Variants in ADAM28 observed in about 807,000 individuals in gnomAD.
The protein encoded by ADAM28 is disintegrin and metalloproteinase domain-containing protein 28.
Under a neutral mutation model 101.2 loss-of-function variants are expected in ADAM28, and 105 were observed. That is an observed-to-expected ratio of 1.04 (90% CI 0.89 to 1.22). ADAM28 has a LOEUF of 1.22. ADAM28 is among the 50% of genes most tolerant of loss of function. ADAM28 has a pLI of 0.00. For missense variants in ADAM28, 1,028 were observed against 945.4 expected (o/e 1.09, Z -1.15); for synonymous variants, 322 against 310.6 (o/e 1.04, Z -0.39).
chr8:24,350,425 T>C (rs1179649968), intron 19 of ADAM28, among the ~76,000 whole-genome samples: 1 of 151,810 alleles, frequency 6.6e-6, no homozygotes, highest in South Asian at 2.1e-4. Flanking sequence ...GTACTTCTCC[T>C]ACCTCAGCCC....
At chr8:24,337,209 C>T (rs1563314045) in intron 14 of ADAM28, among the ~76,000 whole-genome samples, 1 of 152,224 alleles carries the variant, frequency 6.6e-6, no homozygotes, top group Non-Finnish European at 1.5e-5. Flanking sequence ...GGAACCAGGC[C>T]TCAGCAATCT....
At chr8:24,354,317 G>T in intron 22 of ADAM28, 67 bp from the exon 23 acceptor site, 4 of 1,341,038 alleles carry the variant, frequency 3.0e-6, no homozygotes, top group Non-Finnish European at 4.2e-6. Flanking sequence ...TCATAGTTCA[G>T]CTTCATAATA....
chr8:24,323,827 T>C lies in ADAM28; in HGVS notation c.721-7T>C, dbSNP rs1182245029. ...TAATTGCTTTGCCATTTATTTTCTT[T>C]GGACAGCTTTATAAAAAGCTCAATA... On this transcript the variant is annotated splice_region_variant and splice_polypyrimidine_tract_variant and intron_variant, in intron 8 of 22. Transcript: ENST00000265769. The C allele has an allele frequency of 6.3e-7, 1 of 1,599,016 alleles. No homozygotes were observed. The highest frequency in any genetic ancestry group is 2.2e-5 in the East Asian group (1 of 44,650).
At chr8:24,350,136 C>G (rs1027804205) in intron 19 of ADAM28, among the ~76,000 whole-genome samples, 164 bp downstream of exon 19, 1 of 152,172 alleles carries the variant, frequency 6.6e-6, no homozygotes, top group African/African-American at 2.4e-5. Flanking sequence ...TTCCCTTTAA[C>G]TGAGAAATCC....
intron 2 of ADAM28, among the ~76,000 whole-genome samples, chr8:24,304,169 A>G (rs181126511): frequency 2.0e-5 from 3 of 150,678 alleles, no homozygotes; most frequent in Middle Eastern, 3.4e-3. Flanking sequence ...AATAAATTTG[A>G]GTTTTGAATA....
At chr8:24,345,710 G>A (rs1815326591) in intron 18 of ADAM28, among the ~76,000 whole-genome samples, 1 of 151,884 alleles carries the variant, frequency 6.6e-6, no homozygotes, top group Non-Finnish European at 1.5e-5. Context: ...TTCAACCGAT[G>A]CTTTTTCTTT....
chr8:24,342,123 T>C (rs1213482350), intron 16 of ADAM28, among the ~76,000 whole-genome samples: 1 of 152,214 alleles, frequency 6.6e-6, no homozygotes, highest in Non-Finnish European at 1.5e-5. Context: ...GTGTATGTGA[T>C]ACTGGGCTTC....
At chr8:24,347,513 A>G (rs1422009093) in intron 18 of ADAM28, among the ~76,000 whole-genome samples, 2 of 152,094 alleles carry the variant, frequency 1.3e-5, no homozygotes, top group Non-Finnish European at 2.9e-5. Flanking sequence ...CGTGTTCTGT[A>G]GTATTCTCCA....
At chr8:24,337,923 T>C (rs993676823) in intron 14 of ADAM28, among the ~76,000 whole-genome samples, 5 of 152,302 alleles carry the variant, frequency 3.3e-5, no homozygotes, top group Admixed American at 3.3e-4. Context: ...TCATTAGCAA[T>C]ATACAAAACC....
rs971848199 is a variant in ADAM28 at position 24,358,038 on chromosome 8, A to G, written c.*3634A>G. 5 of 152,154 alleles carry G rather than the reference A, an allele frequency of 3.3e-5. No homozygotes were observed. The highest frequency in any genetic ancestry group is 7.4e-5 in the Non-Finnish European group (5 of 68,026). 9.4% of individuals were successfully genotyped at this position (152,154 alleles called of 1,614,324 possible). ...AGTTGTTTCTCTTGTTTACTTAATA[A>G]CATTCTCTTCTTTCCTATCAGTTTA... On this transcript the variant is annotated 3_prime_UTR_variant, in exon 23 of 23. Transcript: ENST00000265769.
Position 24,343,150 on chromosome 8 carries a change from C to G in ADAM28, c.1880C>G (p.Thr627Ser). 1 of 1,613,848 alleles carries G rather than the reference C, an allele frequency of 6.2e-7. No homozygotes were observed. Among genetic ancestry groups the G allele is most frequent in the South Asian group, 1.1e-5 (1 of 91,076 alleles). The change falls in exon 17 of 23, where the codon ACC (threonine) becomes AGC (serine). Residue 627 changes from threonine (T) to serine (S), a missense_variant. Coordinates refer to ENST00000265769, the MANE Select transcript of ADAM28 (RefSeq NM_014265.6). ...CVDIEKAYKSTNCSSKCKGHA... is the reference protein window; with the variant it reads ...CVDIEKAYKSSNCSSKCKGHA... ...GATATTGAGAAAGCCTACAAATCAA[C>G]CAATTGCTCATCTAAGTGCAAAGGA...
chr8:24,296,175 G>A (rs1197814324), intron 1 of ADAM28: 1 of 152,164 alleles, frequency 6.6e-6, no homozygotes, highest in Non-Finnish European at 1.5e-5. Context: ...AGAATACTCA[G>A]GGGGTACAGC....
intron 1 of ADAM28, 43 bp downstream of exon 1, chr8:24,294,238 C>T (rs777026105): frequency 1.5e-5 from 24 of 1,598,066 alleles, no homozygotes; most frequent in South Asian, 7.7e-5. Context: ...AATGCATTAG[C>T]GAACTTTTCA....
rs536503288 is a variant in ADAM28 at position 24,335,812 on chromosome 8, G to A, written c.1567+171G>A. On this transcript the variant is annotated intron_variant, in intron 14 of 22. Transcript: ENST00000265769. ...GTTGGTTTTAGGGTTGCTAGATTTAGCAAGTAAAAATAAGGATGGCCCCGT... is the reference window on the plus strand; with the variant it reads ...GTTGGTTTTAGGGTTGCTAGATTTAACAAGTAAAAATAAGGATGGCCCCGT... 3.1e-6 allele frequency: 4 copies of A among 1,276,432 alleles called. No homozygotes were observed. In the Admixed American group the frequency reaches 1.5e-4, roughly 49 times the overall value. The allele number at this position is 1,276,432 out of a possible 1,614,324, so 79.1% of individuals were successfully genotyped here. A position where few individuals can be genotyped will look rare whatever the true frequency, so the allele number is the denominator to read the frequency against.
At chr8:24,329,738 A>G (rs1813082815) in intron 10 of ADAM28, among the ~76,000 whole-genome samples, 1 of 152,122 alleles carries the variant, frequency 6.6e-6, no homozygotes, top group African/African-American at 2.4e-5. Context: ...TCTTGGAAAG[A>G]AAACTAGAAC....
chr8:24,309,091 G>A (rs1810085747), intron 2 of ADAM28, among the ~76,000 whole-genome samples: 1 of 152,128 alleles, frequency 6.6e-6, no homozygotes, highest in South Asian at 2.1e-4. Flanking sequence ...TCAGAACTTA[G>A]TACCCCAAAA....
Position 24,348,311 on chromosome 8 carries a change from G to A in ADAM28, c.1991-1553G>A, listed in dbSNP as rs376292636. On this transcript the variant is annotated intron_variant, in intron 18 of 22. Coordinates refer to ENST00000265769, the MANE Select transcript of ADAM28 (RefSeq NM_014265.6). ...AGAACAGACAGTTGACATATACCCAGCAACTCCCACTCCTGAACAGCTTCC... is the reference window on the plus strand; with the variant it reads ...AGAACAGACAGTTGACATATACCCAACAACTCCCACTCCTGAACAGCTTCC... 8.5e-5 allele frequency among the ~76,000 whole-genome samples: 13 copies of A among 152,092 alleles called. No homozygotes were observed. The East Asian group carries it at 2.3e-3, about 27-fold the overall frequency.
At chr8:24,314,458 CCTTA>C (rs1324298416) in intron 6 of ADAM28, among the ~76,000 whole-genome samples, 1 of 151,992 alleles carries the variant, frequency 6.6e-6, no homozygotes, top group Non-Finnish European at 1.5e-5. Flanking sequence ...TCTTTGTTGA[CCTTA>C]CTTTTATTTC....
chr8:24,314,177 A>G (rs1212135619), intron 6 of ADAM28, among the ~76,000 whole-genome samples: 1 of 152,224 alleles, frequency 6.6e-6, no homozygotes, highest in Non-Finnish European at 1.5e-5. Flanking sequence ...CCACAAAGAT[A>G]TAAAGTATTA....
Sources: gnomAD v4.1 joint callset for allele counts (sites outside exome capture counted in the v4.1 genomes callset) on GRCh38, gnomAD v4.1.1 for gene constraint, MANE v1.5 for transcripts, NCBI Gene and HGNC (gene_info 2026-07-23, HGNC 2026-07-21) for gene names.